The following SH3RF1 variants were observed in gnomAD, a reference collection of about 807,000 sequenced individuals.
The protein encoded by SH3RF1 is E3 ubiquitin-protein ligase SH3RF1.
SH3RF1 carries 32 observed loss-of-function variants against 74.0 expected under a neutral mutation model. The ratio of observed to expected loss-of-function variants is 0.43; its 90% CI spans 0.33 to 0.58. The LOEUF (loss-of-function observed/expected upper bound fraction) is 0.58. Ranked by LOEUF, SH3RF1 falls within the 20% of genes least tolerant of loss-of-function variation. The probability of loss-of-function intolerance (pLI) is 0.05; values close to 1 mark genes in which losing one functional copy is unlikely to be tolerated. For missense variants in SH3RF1, 954 were observed against 1,130.9 expected, an observed-to-expected ratio of 0.84 and a Z score of 2.24; for synonymous variants, 396 against 439.6, an observed-to-expected ratio of 0.90 and a Z score of 1.24.
chr4:169,097,630 T>C (rs13103052), intron 11 of SH3RF1, among the ~76,000 whole-genome samples: 18,390 of 152,210 alleles, frequency 0.12, 1,431 homozygotes, highest in South Asian at 0.22. Flanking sequence ...ATTATTTGCA[T>C]TACTCCTCTT....
rs377182452 is a variant in SH3RF1 at position 169,122,054 on chromosome 4, C to G, written c.1346+46G>C. 4.4e-6 allele frequency: 7 copies of G among 1,596,798 alleles called. No individual in the cohort carries two copies. The East Asian group carries it at 1.1e-4, about 26-fold the overall frequency. On this transcript the variant is annotated intron_variant, in intron 7 of 11. Coordinates refer to ENST00000284637, the MANE Select transcript of SH3RF1 (RefSeq NM_020870.4). ...TTCTTGACCTCTGAGGTTTGGACTT[C>G]GTTTAAATGAACACATAAGCAGTAA...
intron 2 of SH3RF1, among the ~76,000 whole-genome samples, chr4:169,181,018 C>G (rs1330172557): frequency 6.6e-6 from 1 of 152,100 alleles, no homozygotes; most frequent in Non-Finnish European, 1.5e-5. Flanking sequence ...ATGCTGTATT[C>G]TTTTCTTAGT....
In SH3RF1 at chr4:169,269,006, C is replaced by T; in HGVS notation, c.207G>A (p.Leu69=). The change falls in exon 2 of 12, where the codon CTG becomes CTA. Residue 69 remains leucine (L), a synonymous_variant. Coordinates refer to ENST00000284637, the MANE Select transcript of SH3RF1 (RefSeq NM_020870.4). ...GTTTGATGCCATCCAGAAGTCTGAC[C>T]AGCAAGATGTTACTGGGAAGCTCCT... is the stretch of plus-strand genomic sequence containing the variant. ...GVEELPSNIL[L]VRLLDGIKQR... The T allele has an allele frequency of 6.2e-7, 1 of 1,614,188 alleles. No homozygotes were observed. The highest frequency in any genetic ancestry group is 8.5e-7 in the Non-Finnish European group (1 of 1,180,026).
intron 4 of SH3RF1, among the ~76,000 whole-genome samples, chr4:169,143,433 G>A (rs1461233961): frequency 8.5e-5 from 13 of 152,258 alleles, no homozygotes; most frequent in African/African-American, 2.9e-4. Context: ...GCTCAACAGC[G>A]ACATGTGCAT....
rs1037916049 is a variant in SH3RF1, at chr4:169,094,565, T to C, written c.*1954A>G. On this transcript the variant is annotated 3_prime_UTR_variant, in exon 12 of 12. Transcript: ENST00000284637. ...GTAAAAAAATTATCTTAACCTGTAG[T>C]AGTCTTTTTTCTTTTTAAAATTTTT... 1 of 152,182 alleles carries C rather than the reference T, an allele frequency of 6.6e-6. No homozygotes were observed. The highest frequency in any genetic ancestry group is 1.5e-5 in the Non-Finnish European group (1 of 68,014). The allele number at this position is 152,182 out of a possible 1,614,324, so 9.4% of individuals were successfully genotyped here.
intron 10 of SH3RF1, among the ~76,000 whole-genome samples, chr4:169,115,159 T>TA (rs1408743090): frequency 2.0e-5 from 3 of 151,942 alleles, no homozygotes; most frequent in South Asian, 2.1e-4. Context: ...AATGAGACAT[T>TA]AAAAAAAACC....
Position 169,117,418 on chromosome 4 carries a change from A to G in SH3RF1, c.1777+105T>C, listed in dbSNP as rs531021693. The stretch of plus-strand genomic sequence containing the variant: ...GAGTAGACTTTGCCTAATGTTGTTC[A>G]TTATTAAAATTACATCTACATTTCT... On this transcript the variant is annotated intron_variant, in intron 9 of 11. Coordinates refer to ENST00000284637, the MANE Select transcript of SH3RF1 (RefSeq NM_020870.4). The G allele has an allele frequency of 8.6e-6, 13 of 1,513,902 alleles. No homozygotes were observed. In the South Asian group the frequency reaches 1.5e-4, roughly 18 times the overall value. The allele number at this position is 1,513,902 out of a possible 1,614,324, so 93.8% of individuals were successfully genotyped here.
chr4:169,247,029 T>C (rs1731005208), intron 2 of SH3RF1, among the ~76,000 whole-genome samples: 1 of 152,210 alleles, frequency 6.6e-6, no homozygotes, highest in Non-Finnish European at 1.5e-5. Flanking sequence ...TCTCCACTGA[T>C]TGTTCTACCA....
At chr4:169,212,168 G>A (rs1459427805) in intron 2 of SH3RF1, among the ~76,000 whole-genome samples, 1 of 143,708 alleles carries the variant, frequency 7.0e-6, no homozygotes, top group Non-Finnish European at 1.5e-5. Flanking sequence ...GGGTTCAAGC[G>A]ATTCTCCTGC....
At chr4:169,110,456 C>T (rs1317030938) in intron 10 of SH3RF1, among the ~76,000 whole-genome samples, 1 of 151,914 alleles carries the variant, frequency 6.6e-6, no homozygotes, top group African/African-American at 2.4e-5. Context: ...CAGATAGGAC[C>T]TCTGCTTAAG....
In SH3RF1 at chr4:169,107,209, GAA is replaced by G. The variant is rs138002946; in HGVS notation, c.2140-6_2140-5del. The G allele has an allele frequency of 1.4e-6, 2 of 1,415,694 alleles. No homozygotes were observed. The highest frequency in any genetic ancestry group is 1.9e-6 in the Non-Finnish European group (2 of 1,058,864). 87.7% of individuals were successfully genotyped at this position (1,415,694 alleles called of 1,614,324 possible). ...TCAACAAACCCTTTTTTTCTTTCTG[GAA>G]AAAAAAAATAATGAGCCTTAGTTGG... On this transcript the variant is annotated splice_polypyrimidine_tract_variant and splice_region_variant and intron_variant, in intron 10 of 11. Transcript: ENST00000284637.
intron 2 of SH3RF1, among the ~76,000 whole-genome samples, chr4:169,221,647 ATACCTT>A (rs1730565548): frequency 6.6e-6 from 1 of 152,208 alleles, no homozygotes; most frequent in Non-Finnish European, 1.5e-5. Context: ...TCCTTATAAC[ATACCTT>A]GTAATCTATA....
At chr4:169,122,586 C>T (rs1733459513) in intron 6 of SH3RF1, among the ~76,000 whole-genome samples, 1 of 152,190 alleles carries the variant, frequency 6.6e-6, no homozygotes, top group African/African-American at 2.4e-5. Context: ...AAAGTATGGA[C>T]TTGGACAAGG....
intron 2 of SH3RF1, among the ~76,000 whole-genome samples, chr4:169,168,215 G>A (rs200823549): frequency 1.5e-5 from 2 of 129,844 alleles, no homozygotes; most frequent in African/African-American, 3.1e-5. Flanking sequence ...GGCAAAATGA[G>A]AAAAGAAATC....
intron 4 of SH3RF1, among the ~76,000 whole-genome samples, chr4:169,143,133 G>T (rs1349148726): frequency 2.0e-5 from 3 of 152,184 alleles, no homozygotes; most frequent in Non-Finnish European, 2.9e-5. Context: ...TCAAGGGAAG[G>T]AAGTGCTGCC....
Position 169,095,719 on chromosome 4 carries a change from C to G in SH3RF1, c.*800G>C, listed in dbSNP as rs1234378259. On this transcript the variant is annotated 3_prime_UTR_variant, in exon 12 of 12. Coordinates refer to ENST00000284637, the MANE Select transcript of SH3RF1 (RefSeq NM_020870.4). ...CAATTGAGCTGCTTCTGCTATAAAA[C>G]TAAATATATTTCTAAATACATTTTG... 5 of 152,644 alleles carry G rather than the reference C, an allele frequency of 3.3e-5. No homozygotes were observed. The highest frequency in any genetic ancestry group is 7.3e-5 in the Non-Finnish European group (5 of 68,040). The allele number at this position is 152,644 out of a possible 1,614,324, so 9.5% of individuals were successfully genotyped here.
At chr4:169,150,217 T>C (rs866191370) in intron 4 of SH3RF1, among the ~76,000 whole-genome samples, 8 of 152,220 alleles carry the variant, frequency 5.3e-5, no homozygotes, top group African/African-American at 1.7e-4. Flanking sequence ...GTAACTTACG[T>C]CAATAAACTT....
chr4:169,263,872 TC>T (rs1038039664), intron 2 of SH3RF1, among the ~76,000 whole-genome samples: 3 of 152,222 alleles, frequency 2.0e-5, no homozygotes, highest in Non-Finnish European at 4.4e-5. Context: ...CACATAAACT[TC>T]AACTTCCTTA....
chr4:169,120,335 A>G (rs1297775539), intron 8 of SH3RF1, among the ~76,000 whole-genome samples: 2 of 152,228 alleles, frequency 1.3e-5, no homozygotes, highest in Non-Finnish European at 2.9e-5. Flanking sequence ...TTTGAGTTTG[A>G]GCACTTCTTC....
Sources: allele counts gnomAD v4.1 joint callset (sites outside exome capture counted in the v4.1 genomes callset), GRCh38; gene constraint gnomAD v4.1.1; transcripts MANE v1.5; gene names NCBI Gene and HGNC (gene_info 2026-07-23, HGNC 2026-07-21).